Variants in PRPSAP2 observed in about 807,000 individuals in gnomAD.
The protein encoded by PRPSAP2 is phosphoribosyl pyrophosphate synthetase associated protein 2.
A neutral mutation model predicts 40.6 loss-of-function variants in PRPSAP2; 24 were observed. That is an observed-to-expected ratio of 0.59 (90% CI 0.43 to 0.83). The LOEUF (loss-of-function observed/expected upper bound fraction) is 0.83, where lower values mean the gene tolerates loss of function less well. Among genes scored for constraint, PRPSAP2 ranks in the 40% least tolerant of loss-of-function variants. The pLI is 0.00. For synonymous variants in PRPSAP2, 149 were observed against 164.7 expected (o/e 0.90, Z 0.73); for missense variants, 292 against 465.6 (o/e 0.63, Z 3.43).
At chr17:18,919,002 C>T (rs1001840526) in intron 9 of PRPSAP2, among the ~76,000 whole-genome samples, 16 of 151,976 alleles carry the variant, frequency 1.1e-4, no homozygotes, top group Non-Finnish European at 1.0e-4. Flanking sequence ...TTCTGTTGTG[C>T]GTTATTGCTC....
intron 10 of PRPSAP2, among the ~76,000 whole-genome samples, chr17:18,927,898 C>T (rs1271282175): frequency 6.6e-6 from 1 of 152,106 alleles, no homozygotes. Context: ...CCTGCCTCAG[C>T]CTCCCAAGTA....
chr17:18,873,136 C>T (rs910479402), intron 5 of PRPSAP2, among the ~76,000 whole-genome samples: 1 of 151,630 alleles, frequency 6.6e-6, no homozygotes. Context: ...GCCACCGTGT[C>T]CAGCCACTCA....
rs374689533 is a variant in PRPSAP2 at position 18,878,473 on chromosome 17, C to A, written c.412+603C>A. On this transcript the variant is annotated intron_variant, in intron 6 of 11. Transcript: ENST00000268835. ...GTATTTTTCCTGTGTTTCTAAATAA[C>A]CTTCATAGTTGTTATTGGGTATTTG... Among the ~76,000 whole-genome samples, 8 of 151,528 alleles carry A rather than the reference C, an allele frequency of 5.3e-5. No homozygotes were observed. The East Asian group carries it at 9.7e-4, about 18-fold the overall frequency.
intron 4 of PRPSAP2, among the ~76,000 whole-genome samples, chr17:18,872,150 G>A (rs77622879): frequency 0.078 from 11,831 of 152,050 alleles, 553 homozygotes; most frequent in Middle Eastern, 0.14. Flanking sequence ...GCGGGCGCCT[G>A]TAGTTCCAGC....
chr17:18,864,297 T>A (rs1364152773), intron 1 of PRPSAP2, among the ~76,000 whole-genome samples: 1 of 145,218 alleles, frequency 6.9e-6, no homozygotes, highest in African/African-American at 2.5e-5. Flanking sequence ...ATGTTTCAGG[T>A]TTTTTTTTTT....
intron 8 of PRPSAP2, among the ~76,000 whole-genome samples, chr17:18,907,802 A>T (rs1228333529): frequency 6.6e-6 from 1 of 152,212 alleles, no homozygotes; most frequent in Non-Finnish European, 1.5e-5. Flanking sequence ...GTCAAAGAAG[A>T]AGTCAAAAGT....
In PRPSAP2 at chr17:18,874,698, C is replaced by T. The variant is rs564510662; in HGVS notation, c.239+2049C>T. Reference sequence around the variant, plus strand: ...CAGAGCTGGAGGTGGGGGCACGGAGCGCCAACTGCCCCTGCTGCTGCTGTC... The same window carrying T: ...CAGAGCTGGAGGTGGGGGCACGGAGTGCCAACTGCCCCTGCTGCTGCTGTC... On this transcript the variant is annotated intron_variant, in intron 5 of 11. Coordinates refer to ENST00000268835, the MANE Select transcript of PRPSAP2 (RefSeq NM_002767.4). 1.1e-4 allele frequency among the ~76,000 whole-genome samples: 16 copies of T among 152,352 alleles called. No homozygotes were observed. In the East Asian group the frequency reaches 1.5e-3, roughly 15 times the overall value.
chr17:18,911,277 A>G lies in PRPSAP2; in HGVS notation c.733+26A>G, dbSNP rs777333970. On this transcript the variant is annotated intron_variant, in intron 9 of 11. Transcript: ENST00000268835. This position sits in a 1 kb window ranked among gnomAD's most constrained non-coding sequence, Gnocchi z 4.5. ...GTAAGTGTGCTGCTGCCTCTTTCCC[A>G]CTTTCCTCTGATTTTAAGGCTGACT... The G allele has an allele frequency of 1.0e-5, 16 of 1,576,774 alleles. No individual in the cohort carries two copies. Among genetic ancestry groups the G allele is most frequent in the Admixed American group, 1.8e-5 (1 of 56,588 alleles).
At chr17:18,899,599 G>A (rs1292976374) in intron 8 of PRPSAP2, among the ~76,000 whole-genome samples, 1 of 130,186 alleles carries the variant, frequency 7.7e-6, no homozygotes, top group African/African-American at 2.9e-5. Flanking sequence ...TATGATCACA[G>A]CTCACTGCAA....
At chr17:18,904,998 G>A (rs1380272876) in intron 8 of PRPSAP2, 2 of 152,096 alleles carry the variant, frequency 1.3e-5, no homozygotes, top group Non-Finnish European at 2.9e-5. Flanking sequence ...TGCTGTGCAG[G>A]TAATAATTTT....
At chr17:18,929,483 C>T (rs145575656) in intron 11 of PRPSAP2, 3 of 152,012 alleles carry the variant, frequency 2.0e-5, no homozygotes, top group Non-Finnish European at 2.9e-5. Flanking sequence ...AGAAAGGAAC[C>T]CCATACCCAT....
chr17:18,923,327 C>T (rs1413551194), intron 9 of PRPSAP2, among the ~76,000 whole-genome samples: 10 of 149,968 alleles, frequency 6.7e-5, no homozygotes, highest in East Asian at 3.9e-4. Flanking sequence ...AGGAAGGTCC[C>T]GATCTCCTGA....
At chr17:18,918,758 C>T (rs939518953) in intron 9 of PRPSAP2, among the ~76,000 whole-genome samples, 2 of 152,070 alleles carry the variant, frequency 1.3e-5, no homozygotes, top group African/African-American at 4.8e-5. Context: ...CTACATGTGG[C>T]TCCTGCACAC....
intron 8 of PRPSAP2, among the ~76,000 whole-genome samples, chr17:18,910,035 C>G (rs2040862043): frequency 6.6e-6 from 1 of 152,192 alleles, no homozygotes; most frequent in South Asian, 2.1e-4. Context: ...GTGATATATT[C>G]ACCCAGCAGA....
chr17:18,861,706 AGATAAG>A (rs1420466602), intron 1 of PRPSAP2, among the ~76,000 whole-genome samples: 1 of 152,084 alleles, frequency 6.6e-6, no homozygotes, highest in Non-Finnish European at 1.5e-5. Context: ...AAACCATGAG[AGATAAG>A]GAAAGACTTC....
At chr17:18,917,598 T>TAA (rs2041436152) in intron 9 of PRPSAP2, 2 of 114,722 alleles carry the variant, frequency 1.7e-5, no homozygotes, top group South Asian at 6.5e-4. Flanking sequence ...TTTTTTTTTT[T>TAA]TTTTTTTTTT....
chr17:18,866,261 A>T (rs1403113190), intron 3 of PRPSAP2, among the ~76,000 whole-genome samples: 1 of 151,990 alleles, frequency 6.6e-6, no homozygotes, highest in Non-Finnish European at 1.5e-5. Flanking sequence ...ATATATAATT[A>T]TTTGAGTATA....
intron 4 of PRPSAP2, among the ~76,000 whole-genome samples, chr17:18,872,142 G>A (rs537009077): frequency 2.6e-5 from 4 of 152,104 alleles, no homozygotes; most frequent in South Asian, 2.1e-4. Context: ...ATGTGGTGGC[G>A]GGCGCCTGTA....
intron 4 of PRPSAP2, 76 bp downstream of exon 4, chr17:18,867,410 C>A: frequency 6.7e-7 from 1 of 1,491,316 alleles, no homozygotes; most frequent in Non-Finnish European, 9.3e-7. Flanking sequence ...TCATCCTTTA[C>A]TATTGAAACG....
Sources: gnomAD v4.1 joint callset for allele counts (sites outside exome capture counted in the v4.1 genomes callset) on GRCh38, gnomAD v4.1.1 for gene constraint, Gnocchi (gnomAD v3.1) non-coding constraint, MANE v1.5 for transcripts, NCBI Gene and HGNC (gene_info 2026-07-23, HGNC 2026-07-21) for gene names.